Variants in PCBP3 observed in about 807,000 individuals in gnomAD.
PCBP3 encodes poly(rC)-binding protein 3.
In PCBP3, 25 loss-of-function variants were observed where a neutral mutation model predicts 52.7. The observed-to-expected ratio is 0.47, with a 90% confidence interval of 0.35 to 0.66. The LOEUF (loss-of-function observed/expected upper bound fraction) is 0.66, where lower values mean the gene tolerates loss of function less well. Ranked by LOEUF, PCBP3 falls within the 30% of genes least tolerant of loss-of-function variation. The probability of loss-of-function intolerance (pLI) is 0.01; values close to 1 mark genes in which losing one functional copy is unlikely to be tolerated. For synonymous variants in PCBP3, 162 were observed against 183.0 expected, an observed-to-expected ratio of 0.89 and a Z score of 0.93; for missense variants, 391 against 490.3, an observed-to-expected ratio of 0.80 and a Z score of 1.91.
intron 2 of PCBP3, among the ~76,000 whole-genome samples, chr21:45,701,493 GA>G (rs2083123071): frequency 6.6e-6 from 1 of 152,130 alleles, no homozygotes; most frequent in African/African-American, 2.4e-5. Flanking sequence ...AAATTATTCA[GA>G]AATTCATTTA....
chr21:45,675,421 A>G (rs2081404056), intron 2 of PCBP3, among the ~76,000 whole-genome samples: 1 of 152,216 alleles, frequency 6.6e-6, no homozygotes, highest in Admixed American at 6.5e-5. Context: ...TGTGGTCTAC[A>G]TTAGGCAAAG....
rs35138043 is a variant in PCBP3 at position 45,775,301 on chromosome 21, CT to C, written c.-126+19859del. Reference sequence around the variant, plus strand: ...GGTTTTCTAGTTTGTGAGTATATAGCTTTTTTTTTTATAATAGTCTCTGATG... The same window carrying C: ...GGTTTTCTAGTTTGTGAGTATATAGCTTTTTTTTTATAATAGTCTCTGATG... On this transcript the variant is annotated intron_variant, in intron 4 of 17. Transcript: ENST00000681687. Among the ~76,000 whole-genome samples the C allele has an allele frequency of 2.5e-3, 373 of 148,474 alleles. 2 individuals are homozygous for C. The highest frequency in any genetic ancestry group is 7.9e-3 in the African/African-American group (320 of 40,480).
intron 5 of PCBP3, among the ~76,000 whole-genome samples, chr21:45,886,891 C>T (rs1184392068): frequency 6.6e-6 from 1 of 152,216 alleles, no homozygotes; most frequent in East Asian, 1.9e-4. Context: ...TCTTGACAGC[C>T]TGGTGAGGGC....
intron 13 of PCBP3, 105 bp from the exon 14 acceptor site, chr21:45,929,810 CCT>C (rs1569506859): frequency 1.2e-6 from 1 of 817,762 alleles, no homozygotes. Flanking sequence ...TCCGCATGGC[CCT>C]CTTTCTATCT....
intron 1 of PCBP3, among the ~76,000 whole-genome samples, chr21:45,652,005 C>T (rs1248852324): frequency 1.3e-5 from 2 of 152,140 alleles, no homozygotes; most frequent in Non-Finnish European, 2.9e-5. Flanking sequence ...TGTATGAGAT[C>T]GCTCCTTTAA....
intron 2 of PCBP3, among the ~76,000 whole-genome samples, chr21:45,726,594 G>A (rs1268058779): frequency 6.6e-6 from 1 of 152,168 alleles, no homozygotes; most frequent in Non-Finnish European, 1.5e-5. Context: ...GATCCCGCCA[G>A]GCCTGTCCAT....
At chr21:45,896,071 C>G (rs749762780) in intron 5 of PCBP3, 137 bp from the exon 6 acceptor site, 12 of 754,608 alleles carry the variant, frequency 1.6e-5, no homozygotes, top group Non-Finnish European at 2.6e-5. Flanking sequence ...CAGGCGAGGC[C>G]TGGTCAGCAC....
intron 5 of PCBP3, among the ~76,000 whole-genome samples, chr21:45,852,861 A>G (rs750408793): frequency 1.3e-5 from 2 of 152,278 alleles, no homozygotes; most frequent in Non-Finnish European, 2.9e-5. Context: ...TGTAATTTGT[A>G]ACATCAGCAA....
chr21:45,918,081 C>A, intron 13 of PCBP3: 6 of 229,018 alleles, frequency 2.6e-5, no homozygotes, highest in South Asian at 6.2e-5. Flanking sequence ...CTTTCAGAGT[C>A]CACATGAAAA....
At chr21:45,738,665 G>A (rs1569167076) in intron 3 of PCBP3, among the ~76,000 whole-genome samples, 1 of 152,162 alleles carries the variant, frequency 6.6e-6, no homozygotes. Flanking sequence ...GCAGCTGAAG[G>A]GTATCAGGGG....
At chr21:45,808,032 A>G (rs923202921) in intron 4 of PCBP3, among the ~76,000 whole-genome samples, 4 of 152,234 alleles carry the variant, frequency 2.6e-5, no homozygotes, top group Non-Finnish European at 5.9e-5. Flanking sequence ...CTTACACCTT[A>G]TACAAAAATT....
At position 45,646,107 on chromosome 21, in the gene PCBP3, C is replaced by CTCTGTGTGTGTGTGTG. The variant is rs1555895746; in HGVS notation, c.-279+2240_-279+2241insCTGTGTGTGTGTGTGT. Among the ~76,000 whole-genome samples the CTCTGTGTGTGTGTGTG allele has an allele frequency of 4.3e-3, 360 of 83,798 alleles. 2 individuals are homozygous for CTCTGTGTGTGTGTGTG. The highest frequency in any genetic ancestry group is 0.012 in the South Asian group (22 of 1,826). 55.0% of individuals were successfully genotyped at this position (83,798 alleles called of 152,430 possible). ...TTTCTCTCTCTCTCTCTCTCTCTCT[C>CTCTGTGTGTGTGTGTG]TGTGTGTGTGTGTGTGTGTGTGTGT... On this transcript the variant is annotated intron_variant, in intron 1 of 17. Transcript: ENST00000681687.
intron 4 of PCBP3, among the ~76,000 whole-genome samples, chr21:45,849,697 A>G (rs1241690384): frequency 6.6e-6 from 1 of 152,264 alleles, no homozygotes; most frequent in Non-Finnish European, 1.5e-5. Context: ...AATTTTATCA[A>G]AACATTTCAT....
At chr21:45,863,244 G>A (rs894023666) in intron 5 of PCBP3, among the ~76,000 whole-genome samples, 4 of 152,228 alleles carry the variant, frequency 2.6e-5, no homozygotes, top group African/African-American at 4.8e-5. Flanking sequence ...CTGCAAGAGC[G>A]TCACCAGCCA....
At chr21:45,773,320 T>C (rs953134653) in intron 4 of PCBP3, among the ~76,000 whole-genome samples, 1 of 152,194 alleles carries the variant, frequency 6.6e-6, no homozygotes, top group Non-Finnish European at 1.5e-5. Context: ...TTTTTGTGTA[T>C]GGTGAGAGAT....
chr21:45,863,875 G>A (rs938940640), intron 5 of PCBP3, among the ~76,000 whole-genome samples: 5 of 152,108 alleles, frequency 3.3e-5, no homozygotes, highest in Non-Finnish European at 5.9e-5. Flanking sequence ...GTTGACTGTC[G>A]GGGAAATGCC....
At chr21:45,774,823 TTCTG>T in intron 4 of PCBP3, among the ~76,000 whole-genome samples, 2 of 152,342 alleles carry the variant, frequency 1.3e-5, no homozygotes, top group Non-Finnish European at 2.9e-5. Context: ...GTTTATTGAT[TTCTG>T]TATGTTAAAC....
chr21:45,699,798 C>T (rs368027368), intron 2 of PCBP3, among the ~76,000 whole-genome samples: 1 of 152,128 alleles, frequency 6.6e-6, no homozygotes, highest in East Asian at 1.9e-4. Context: ...ATGGGAAAGA[C>T]CCACCCGCGT....
At chr21:45,782,387 T>C (rs1364716386) in intron 4 of PCBP3, among the ~76,000 whole-genome samples, 1 of 152,116 alleles carries the variant, frequency 6.6e-6, no homozygotes, top group African/African-American at 2.4e-5. Flanking sequence ...AATTGAAACA[T>C]ATAGGATCTG....
Sources: allele counts gnomAD v4.1 joint callset (sites outside exome capture counted in the v4.1 genomes callset), GRCh38; gene constraint gnomAD v4.1.1; transcripts MANE v1.5; gene names NCBI Gene and HGNC (gene_info 2026-07-23, HGNC 2026-07-21).